WDR4: variants seen among roughly 807,000 people sequenced by gnomAD.
WDR4 encodes the protein WDR4 tRNA N7-guanosine methyltransferase non-catalytic subunit.
A neutral mutation model predicts 48.6 loss-of-function variants in WDR4; 47 were observed. The observed-to-expected ratio is 0.97, with a 90% CI of 0.77 to 1.23. WDR4 has a LOEUF of 1.23. Among genes scored for constraint, WDR4 ranks in the 50% most tolerant of loss-of-function variants. The pLI, the probability that WDR4 is intolerant of heterozygous loss-of-function variation, is 0.00. For missense variants in WDR4, 606 were observed against 551.6 expected (o/e 1.10, Z -0.99); for synonymous variants, 268 against 230.0 (o/e 1.17, Z -1.49).
At chr21:42,857,783 A>G (rs2058029249) in intron 6 of WDR4, among the ~76,000 whole-genome samples, 1 of 134,640 alleles carries the variant, frequency 7.4e-6, no homozygotes, top group Non-Finnish European at 1.6e-5. Context: ...GAAATACGAG[A>G]TTGAACAGGA....
Position 42,872,738 on chromosome 21 carries a change from C to G in WDR4, c.296+813G>C, listed in dbSNP as rs551794668. ...TCACCTGAGGTCAGGAGTTCAAGAG[C>G]TGGCCTGGCTAACATGGTGAAATCC... On this transcript the variant is annotated intron_variant, in intron 3 of 10. Coordinates refer to ENST00000398208, the MANE Select transcript of WDR4 (RefSeq NM_018669.6). 1.1e-4 allele frequency among the ~76,000 whole-genome samples: 16 copies of G among 152,154 alleles called. 1 individual carries two copies. The East Asian group carries it at 2.7e-3, about 26-fold the overall frequency.
At position 42,874,783 on chromosome 21, in the gene WDR4, A is replaced by G. The variant is rs529943185; in HGVS notation, c.156-1092T>C. On this transcript the variant is annotated intron_variant, in intron 2 of 10. Transcript: ENST00000398208. Reference sequence around the variant, plus strand: ...CCCTGTCTCCTGATAAGATGTTATCAATGACAGTGGTGCCCGAAACTTATT... The same window carrying G: ...CCCTGTCTCCTGATAAGATGTTATCGATGACAGTGGTGCCCGAAACTTATT... 5.9e-5 allele frequency among the ~76,000 whole-genome samples: 9 copies of G among 152,270 alleles called. No individual in the cohort carries two copies. In the Middle Eastern group the frequency reaches 0.017, roughly 288 times the overall value.
At position 42,850,105 on chromosome 21, in the gene WDR4, C is replaced by G; in HGVS notation, c.1183G>C (p.Gly395Arg). Reference protein sequence around the residue: ...KKQRRRSPPPGPDGHAKKMRP... With the variant: ...KKQRRRSPPPRPDGHAKKMRP... ...ATCTTCTTGGCATGCCCGTCGGGCC[C>G]AGGCGGGGGACTCCGGCGCCGCTGC... The change falls in exon 11 of 11, where the codon GGG becomes CGG. Residue 395 changes from glycine to arginine, a missense_variant. By Grantham distance (125) the Gly-to-Arg change is moderately radical. Coordinates refer to ENST00000398208, the MANE Select transcript of WDR4 (RefSeq NM_018669.6). The G allele has an allele frequency of 6.2e-7, 1 of 1,614,100 alleles. No homozygotes were observed.
Position 42,859,731 on chromosome 21 carries a change from G to A in WDR4, c.567-9C>T. ...AGATACGGCTCACAAACCTGTGAGG[G>A]CGAGAGAGAGCGGCAGAGTCAGCGA... On this transcript the variant is annotated splice_polypyrimidine_tract_variant and intron_variant, in intron 5 of 10. Coordinates refer to ENST00000398208, the MANE Select transcript of WDR4 (RefSeq NM_018669.6). 3.2e-6 allele frequency: 5 copies of A among 1,555,884 alleles called. No homozygotes were observed. Among genetic ancestry groups the A allele is most frequent in the African/African-American group, 2.7e-5 (2 of 73,254 alleles).
upstream of WDR4, among the ~76,000 whole-genome samples, chr21:42,880,961 G>T (rs969099568): frequency 6.8e-6 from 1 of 146,682 alleles, no homozygotes; most frequent in African/African-American, 2.5e-5. Context: ...ACGGAGTCTC[G>T]CTCTGTCGCC....
intron 2 of WDR4, among the ~76,000 whole-genome samples, chr21:42,875,001 C>A (rs890685420): frequency 6.6e-6 from 1 of 152,186 alleles, no homozygotes; most frequent in Admixed American, 6.5e-5. Context: ...CGGAACCTAC[C>A]GACATGTGAT....
intron 3 of WDR4, among the ~76,000 whole-genome samples, chr21:42,863,943 T>A: frequency 1.1e-5 from 1 of 88,972 alleles, no homozygotes; most frequent in Admixed American, 8.5e-5. Context: ...CCGTCTCTAC[T>A]AAAAATACAA....
chr21:42,862,229 G>T lies in WDR4; in HGVS notation c.566+53C>A. On this transcript the variant is annotated intron_variant, in intron 5 of 10. Coordinates refer to ENST00000398208, the MANE Select transcript of WDR4 (RefSeq NM_018669.6). This position sits in a 1 kb window ranked among gnomAD's most constrained non-coding sequence, Gnocchi z 4.3. ...GGCACCTGCTGAGCCGCAAGCTGACGCTGTTTTCAAACAGACCTTCTTTCT... is the reference window on the plus strand; with the variant it reads ...GGCACCTGCTGAGCCGCAAGCTGACTCTGTTTTCAAACAGACCTTCTTTCT... The T allele has an allele frequency of 6.8e-7, 1 of 1,475,876 alleles. No homozygotes were observed. The highest frequency in any genetic ancestry group is 2.4e-5 in the East Asian group (1 of 41,254). The allele number at this position is 1,475,876 out of a possible 1,614,324, so 91.4% of individuals were successfully genotyped here. A position where few individuals can be genotyped will look rare whatever the true frequency, so the allele number is the denominator to read the frequency against.
intron 6 of WDR4, among the ~76,000 whole-genome samples, chr21:42,858,702 G>A (rs778132761): frequency 1.6e-4 from 24 of 152,146 alleles, no homozygotes; most frequent in Non-Finnish European, 2.8e-4. Flanking sequence ...AACCGCTGAC[G>A]AAGCCTGACC....
upstream of WDR4, among the ~76,000 whole-genome samples, chr21:42,880,151 A>C (rs1190901948): frequency 6.6e-6 from 1 of 151,678 alleles, no homozygotes; most frequent in Non-Finnish European, 1.5e-5. Context: ...AAAATGTCCA[A>C]GATGTGGTCA....
At chr21:42,867,805 T>A (rs2058282382) in intron 3 of WDR4, among the ~76,000 whole-genome samples, 1 of 151,560 alleles carries the variant, frequency 6.6e-6, no homozygotes, top group Admixed American at 6.6e-5. Flanking sequence ...CCTCAAGGGA[T>A]CCTCTCACCT....
At chr21:42,889,376 AT>A in the WDR4 span, among the ~76,000 whole-genome samples, 2 of 152,116 alleles carry the variant, frequency 1.3e-5, no homozygotes, top group African/African-American at 4.8e-5. Flanking sequence ...GCCTTGAGAC[AT>A]TTTTCCCCAC....
intron 1 of WDR4, chr21:42,878,937 G>A (rs902991713): frequency 8.0e-5 from 79 of 987,444 alleles, no homozygotes; most frequent in Non-Finnish European, 9.4e-5. Context: ...TGCAAAAAGA[G>A]GGAGCGCGCT....
At chr21:42,847,816 G>A (rs995478263), downstream of WDR4, among the ~76,000 whole-genome samples, 3 of 151,452 alleles carry the variant, frequency 2.0e-5, no homozygotes, top group East Asian at 1.9e-4. Context: ...TGCAGCGCAT[G>A]GGCCTGTCTG....
intron 1 of WDR4, chr21:42,878,954 T>TC: frequency 1.0e-6 from 1 of 990,108 alleles, no homozygotes; most frequent in South Asian, 4.6e-5. Context: ...CGCTTGGAGG[T>TC]CAGTGAGCTC....
upstream of WDR4, chr21:42,883,826 C>T (rs2058622513): frequency 6.5e-6 from 1 of 153,310 alleles, no homozygotes; most frequent in Admixed American, 6.5e-5. Context: ...TTGTAATCCA[C>T]CTGATATGTG....
intron 6 of WDR4, 49 bp downstream of exon 6, chr21:42,859,613 C>CCCCG: frequency 6.9e-7 from 1 of 1,456,812 alleles, no homozygotes; most frequent in Non-Finnish European, 9.4e-7. Flanking sequence ...CCCACCCTCC[C>CCCCG]TGCAGGCTCA....
chr21:42,879,104 C>T, intron 1 of WDR4: 3 of 1,193,572 alleles, frequency 2.5e-6, no homozygotes, highest in South Asian at 3.1e-5. Context: ...CCGCCGGCGC[C>T]GCGGAGACCG....
At chr21:42,878,462 C>A (rs1360352794) in intron 1 of WDR4, among the ~76,000 whole-genome samples, 1 of 152,002 alleles carries the variant, frequency 6.6e-6, no homozygotes, top group African/African-American at 2.4e-5. Flanking sequence ...AAAACAAAAT[C>A]ATCTGGGATA....
Sources: allele counts gnomAD v4.1 joint callset (sites outside exome capture counted in the v4.1 genomes callset), GRCh38; gene constraint gnomAD v4.1.1; non-coding constraint Gnocchi (gnomAD v3.1); transcripts MANE v1.5; gene names NCBI Gene and HGNC (gene_info 2026-07-23, HGNC 2026-07-21).